The following OLFM1 variants were observed in gnomAD, a reference collection of about 807,000 sequenced individuals.
OLFM1 encodes the protein olfactomedin 1.
In OLFM1, 9 loss-of-function variants were observed where a neutral mutation model predicts 49.7. The observed-to-expected ratio is 0.18, with a 90% confidence interval of 0.11 to 0.32. OLFM1 has a LOEUF of 0.32. OLFM1 is among the 10% of genes least tolerant of loss of function. The pLI is 1.00. For synonymous variants in OLFM1, 240 were observed against 271.8 expected (o/e 0.88, Z 1.15); for missense variants, 369 against 661.8 (o/e 0.56, Z 4.85).
chr9:135,086,796 TG>T, upstream of OLFM1: 1 of 442,910 alleles, frequency 2.3e-6, no homozygotes, highest in South Asian at 1.6e-5. Context: ...CCTCTGTGCC[TG>T]GGCGCCATGA....
intron 5 of OLFM1, among the ~76,000 whole-genome samples, chr9:135,112,941 C>T (rs1397917390): frequency 6.6e-6 from 1 of 152,162 alleles, no homozygotes; most frequent in Non-Finnish European, 1.5e-5. Flanking sequence ...GAGCTGCTGT[C>T]TCCTTCATAG....
chr9:135,107,678 G>A (rs1830964865), intron 5 of OLFM1, among the ~76,000 whole-genome samples: 1 of 152,202 alleles, frequency 6.6e-6, no homozygotes, highest in Non-Finnish European at 1.5e-5. Context: ...TGCCAGAGTG[G>A]GCATTTCTCA....
At chr9:135,102,846 T>C (rs190100204) in intron 4 of OLFM1, among the ~76,000 whole-genome samples, 4 of 152,268 alleles carry the variant, frequency 2.6e-5, no homozygotes, top group Admixed American at 2.0e-4. Context: ...GCCCTCCTGG[T>C]CTGTCTCCTT....
intron 1 of OLFM1, among the ~76,000 whole-genome samples, chr9:135,078,837 G>A (rs1454704718): frequency 6.6e-6 from 1 of 152,198 alleles, no homozygotes; most frequent in Non-Finnish European, 1.5e-5. Context: ...CTTGAACCCA[G>A]ATGGCCTCAT....
At chr9:135,111,085 C>T (rs529420054) in intron 5 of OLFM1, among the ~76,000 whole-genome samples, 5 of 152,350 alleles carry the variant, frequency 3.3e-5, no homozygotes, top group African/African-American at 1.2e-4. Context: ...CCCACGTTCT[C>T]AGTAAACTGC....
intron 1 of OLFM1, among the ~76,000 whole-genome samples, chr9:135,078,309 G>A (rs957639744): frequency 2.6e-5 from 4 of 152,196 alleles, no homozygotes; most frequent in African/African-American, 7.2e-5. Flanking sequence ...TGCGATTCTA[G>A]GGCCACTGTG....
At chr9:135,114,743 G>A (rs550021812) in intron 5 of OLFM1, among the ~76,000 whole-genome samples, 2 of 152,260 alleles carry the variant, frequency 1.3e-5, no homozygotes, top group South Asian at 4.2e-4. Context: ...ATCAGAAAGG[G>A]TGTGTACAGG....
In OLFM1 at chr9:135,087,905, G is replaced by A. The variant is rs1830622021; in HGVS notation, c.-85G>A. ...GGGACACAGCCAGGCGCCCCTGCCC[G>A]CCGCGGTGCCCGCCGCCTGAAGGCC... On this transcript the variant is annotated 5_prime_UTR_variant, in exon 1 of 6. Coordinates refer to ENST00000371793, the MANE Select transcript of OLFM1 (RefSeq NM_001282611.2). The A allele has an allele frequency of 8.8e-7, 1 of 1,130,654 alleles. No individual in the cohort carries two copies. Among genetic ancestry groups the A allele is most frequent in the South Asian group, 2.9e-5 (1 of 34,204 alleles). The allele number at this position is 1,130,654 out of a possible 1,614,324, so 70.0% of individuals were successfully genotyped here.
rs138372395 is a variant in OLFM1, at chr9:135,114,123, C to CTTTTTT, written c.784-5359_784-5354dup. ...TCCAGGACCAGCTCATCTTGAGATT[C>CTTTTTT]TTTTTTTTTTTTTTTTTTTTTTTTT... On this transcript the variant is annotated intron_variant, in intron 5 of 5. Transcript: ENST00000371793. Among the ~76,000 whole-genome samples the CTTTTTT allele has an allele frequency of 3.4e-3, 259 of 75,838 alleles. 43 individuals are homozygous for CTTTTTT. Among genetic ancestry groups the CTTTTTT allele is most frequent in the Middle Eastern group, 9.8e-3 (1 of 102 alleles). The allele number at this position is 75,838 out of a possible 152,430, so 49.8% of individuals were successfully genotyped here. A position where few individuals can be genotyped will look rare whatever the true frequency, so the allele number is the denominator to read the frequency against.
intron 3 of OLFM1, among the ~76,000 whole-genome samples, chr9:135,096,810 C>T (rs112194299): frequency 6.6e-6 from 1 of 152,244 alleles, no homozygotes; most frequent in Non-Finnish European, 1.5e-5. Context: ...CATAGACTTG[C>T]AGGGAAAAAA....
At chr9:135,094,132 C>G (rs73664050) in intron 2 of OLFM1, among the ~76,000 whole-genome samples, 1 of 151,950 alleles carries the variant, frequency 6.6e-6, no homozygotes, top group African/African-American at 2.4e-5. Context: ...TCTGGACTGG[C>G]GCCGCCATTT....
chr9:135,092,316 C>A (rs1159354480), intron 2 of OLFM1, among the ~76,000 whole-genome samples: 1 of 152,208 alleles, frequency 6.6e-6, no homozygotes, highest in Non-Finnish European at 1.5e-5. Context: ...CAGTCCCTGT[C>A]TGGAATGGCC....
At chr9:135,081,344 G>A (rs565051920) in intron 1 of OLFM1, among the ~76,000 whole-genome samples, 48 of 152,326 alleles carry the variant, frequency 3.2e-4, no homozygotes, top group African/African-American at 1.1e-3. Flanking sequence ...AGGTGCTGGT[G>A]CTGCTGCCGG....
chr9:135,115,791 C>G (rs921814903), intron 5 of OLFM1, among the ~76,000 whole-genome samples: 4 of 152,242 alleles, frequency 2.6e-5, no homozygotes, highest in Non-Finnish European at 5.9e-5. Context: ...TCCCTGGCCT[C>G]CATTTTCTAG....
In OLFM1 at chr9:135,119,864, C is replaced by A. The variant is rs751979513; in HGVS notation, c.1144C>A (p.Leu382Met). 6.2e-7 allele frequency: 1 copy of A among 1,613,676 alleles called. No homozygotes were observed. The highest frequency in any genetic ancestry group is 8.5e-7 in the Non-Finnish European group (1 of 1,180,038). The part of the protein sequence containing the change: ...QNAGNIVVSR[L>M]DPVSLQTLQT... The stretch of plus-strand genomic sequence containing the variant: ...CGCTGGCAACATCGTGGTCAGTAGG[C>A]TGGACCCCGTGTCCCTGCAGACCCT... The change falls in exon 6 of 6, where the codon CTG becomes ATG. Residue 382 changes from leucine (L) to methionine (M), a missense_variant. Leu to Met is a conservative substitution (Grantham distance 15). Around this residue, in one of 3 missense-constraint regions of OLFM1, gnomAD observed 294 missense variants for 567.5 expected, o/e 0.52. Coordinates refer to ENST00000371793, the MANE Select transcript of OLFM1 (RefSeq NM_001282611.2).
rs547067543 is a variant in OLFM1 at position 135,106,688 on chromosome 9, G to C, written c.677-61G>C. On this transcript the variant is annotated intron_variant, in intron 4 of 5. Transcript: ENST00000371793. ...GTGTGCTCTGGGCAGTCGAGGTCAGGGTCATCACCGCGGGCCGGGGCCCCC... is the reference window on the plus strand; with the variant it reads ...GTGTGCTCTGGGCAGTCGAGGTCAGCGTCATCACCGCGGGCCGGGGCCCCC... The C allele has an allele frequency of 9.0e-5, 119 of 1,319,526 alleles. No individual in the cohort carries two copies. In the South Asian group the frequency reaches 1.4e-3, roughly 16 times the overall value. The allele number at this position is 1,319,526 out of a possible 1,614,324, so 81.7% of individuals were successfully genotyped here. A position where few individuals can be genotyped will look rare whatever the true frequency, so the allele number is the denominator to read the frequency against.
Position 135,098,218 on chromosome 9 carries a change from C to T in OLFM1, c.457-68C>T, listed in dbSNP as rs1830825682. ...ACACTTTCCCTCACCTAGGGAGAAG[C>T]CAGGCCAAGGCAGGGTGTGAGAGTT... On this transcript the variant is annotated intron_variant, in intron 3 of 5. Transcript: ENST00000371793. This position sits in a 1 kb window ranked among gnomAD's most constrained non-coding sequence, Gnocchi z 5.6. 2.2e-5 allele frequency: 34 copies of T among 1,566,948 alleles called. No individual in the cohort carries two copies. The highest frequency in any genetic ancestry group is 2.9e-5 in the Non-Finnish European group (33 of 1,147,728).
Position 135,098,648 on chromosome 9 carries a change from C to A in OLFM1, c.676+143C>A. On this transcript the variant is annotated intron_variant, in intron 4 of 5. Coordinates refer to ENST00000371793, the MANE Select transcript of OLFM1 (RefSeq NM_001282611.2). This position sits in a 1 kb window ranked among gnomAD's most constrained non-coding sequence, Gnocchi z 5.6. ...GATTAGGGCTCCTGGGCAGGTCTAC[C>A]TTGAGAGACAGCAAAGGAGGAGCGT... is the stretch of plus-strand genomic sequence containing the variant. 2.8e-6 allele frequency: 2 copies of A among 702,090 alleles called. No homozygotes were observed. The highest frequency in any genetic ancestry group is 4.8e-6 in the Non-Finnish European group (2 of 419,306). 43.5% of individuals were successfully genotyped at this position (702,090 alleles called of 1,614,324 possible). A position where few individuals can be genotyped will look rare whatever the true frequency, so the allele number is the denominator to read the frequency against.
intron 2 of OLFM1, among the ~76,000 whole-genome samples, chr9:135,092,334 C>G (rs964693698): frequency 2.0e-5 from 3 of 152,260 alleles, no homozygotes; most frequent in Admixed American, 6.5e-5. Flanking sequence ...GCCACAGGAC[C>G]CTTGTTTCTT....
Sources: allele counts gnomAD v4.1 joint callset (sites outside exome capture counted in the v4.1 genomes callset), GRCh38; gene constraint gnomAD v4.1.1; regional missense constraint gnomAD v4.1.1; non-coding constraint Gnocchi (gnomAD v3.1); transcripts MANE v1.5; gene names NCBI Gene and HGNC (gene_info 2026-07-23, HGNC 2026-07-21).